Variants in PCSK5 observed in about 807,000 individuals in gnomAD.
PCSK5 encodes the protein prohormone convertase 5.
PCSK5 carries 129 observed loss-of-function variants against 233.2 expected under a neutral mutation model. That is an observed-to-expected ratio of 0.55 (90% CI 0.48 to 0.64). The LOEUF is 0.64. PCSK5 is among the 30% of genes least tolerant of loss of function. The pLI, the probability that PCSK5 is intolerant of heterozygous loss-of-function variation, is 0.00. For synonymous variants in PCSK5, 825 were observed against 879.2 expected (o/e 0.94, Z 1.09); for missense variants, 2,076 against 2,430.1 (o/e 0.85, Z 3.06).
chr9:76,064,214 C>A (rs868306981), intron 5 of PCSK5, among the ~76,000 whole-genome samples: 2 of 101,916 alleles, frequency 2.0e-5, no homozygotes, highest in Non-Finnish European at 3.8e-5. Flanking sequence ...CCGGACGGGG[C>A]GGCTGGCCGG....
intron 7 of PCSK5, 92 bp downstream of exon 7, chr9:76,071,990 A>G: frequency 7.9e-7 from 1 of 1,265,136 alleles, no homozygotes; most frequent in Non-Finnish European, 1.1e-6. Context: ...AGTCTAGAGA[A>G]CTGGATGGAG....
chr9:76,174,924 G>A (rs1457869046), intron 13 of PCSK5, 62 bp from the exon 14 acceptor site: 2 of 1,465,276 alleles, frequency 1.4e-6, no homozygotes, highest in East Asian at 2.3e-5. Context: ...AGGACTTAAA[G>A]ATGTTACAGA....
At chr9:76,106,231 A>G (rs1831973224) in intron 8 of PCSK5, among the ~76,000 whole-genome samples, 1 of 152,178 alleles carries the variant, frequency 6.6e-6, no homozygotes, top group African/African-American at 2.4e-5. Flanking sequence ...CAATAACTTC[A>G]ATGAGACCAC....
chr9:76,042,653 G>C (rs1046667392), intron 5 of PCSK5, among the ~76,000 whole-genome samples: 6 of 149,842 alleles, frequency 4.0e-5, no homozygotes, highest in African/African-American at 9.7e-5. Flanking sequence ...AAGACTCTTT[G>C]TTAAAAAACC....
At chr9:75,985,306 C>T (rs1826461144) in intron 2 of PCSK5, among the ~76,000 whole-genome samples, 1 of 152,162 alleles carries the variant, frequency 6.6e-6, no homozygotes. Flanking sequence ...TTTCTGGTTA[C>T]CTTGTTTAAA....
intron 20 of PCSK5, among the ~76,000 whole-genome samples, chr9:76,190,242 T>C (rs931220944): frequency 6.6e-6 from 1 of 152,162 alleles, no homozygotes; most frequent in Non-Finnish European, 1.5e-5. Context: ...TATAACAACA[T>C]GTATGCAACA....
rs761745341 is a variant in PCSK5, at chr9:76,071,865, C to T, written c.861C>T (p.Leu287=). 27 of 1,614,066 alleles carry T rather than the reference C, an allele frequency of 1.7e-5. No homozygotes were observed. The highest frequency in any genetic ancestry group is 2.3e-5 in the Non-Finnish European group (27 of 1,180,040). ...DGKTVDGPAP[L]TRQAFENGVR... ...AGACTGTGGACGGACCAGCCCCCCT[C>T]ACCCGGCAAGCCTTTGAAAACGGCG... The change falls in exon 7 of 38, where the codon CTC becomes CTT. Residue 287 remains leucine (L), a synonymous_variant. Transcript: ENST00000674117.
intron 2 of PCSK5, among the ~76,000 whole-genome samples, chr9:75,950,007 C>G (rs923018793): frequency 6.6e-6 from 1 of 152,108 alleles, no homozygotes; most frequent in Non-Finnish European, 1.5e-5. Flanking sequence ...TAAAGTCTCT[C>G]CACACCATAG....
At chr9:76,276,457 A>T (rs1341839020) in intron 24 of PCSK5, among the ~76,000 whole-genome samples, 1 of 152,040 alleles carries the variant, frequency 6.6e-6, no homozygotes, top group Non-Finnish European at 1.5e-5. Flanking sequence ...GGCCTATAAG[A>T]TCCTATATGA....
chr9:76,123,950 TC>T (rs35821099), intron 9 of PCSK5, among the ~76,000 whole-genome samples: 139,444 of 152,078 alleles, frequency 0.92, 64,129 homozygotes, highest in African/African-American at 0.98. Flanking sequence ...TTTTAGGATT[TC>T]TTTTTTCATT....
chr9:75,930,413 A>G (rs1286554124), intron 1 of PCSK5, among the ~76,000 whole-genome samples: 1 of 152,178 alleles, frequency 6.6e-6, no homozygotes, highest in East Asian at 1.9e-4. Context: ...TCGGAGGAGG[A>G]GAATGGTCTA....
intron 35 of PCSK5, 129 bp from the exon 36 acceptor site, chr9:76,350,699 G>A (rs753096789): frequency 5.4e-5 from 34 of 624,590 alleles, no homozygotes; most frequent in Non-Finnish European, 9.3e-5. Flanking sequence ...TTTCTTTTTC[G>A]TATCCTCAAT....
At chr9:75,987,235 C>T (rs1587462383) in intron 3 of PCSK5, among the ~76,000 whole-genome samples, 1 of 152,196 alleles carries the variant, frequency 6.6e-6, no homozygotes, top group Admixed American at 6.5e-5. Flanking sequence ...GGTCAGGATC[C>T]CCTGTCCTCA....
intron 9 of PCSK5, among the ~76,000 whole-genome samples, chr9:76,109,294 A>G (rs1195817166): frequency 1.3e-5 from 2 of 152,190 alleles, no homozygotes; most frequent in Non-Finnish European, 2.9e-5. Flanking sequence ...ATATTAAAAG[A>G]AAAAACATTA....
In PCSK5 at chr9:76,189,213, T is replaced by A; in HGVS notation, c.2500T>A (p.Ser834Thr). Residue 834 changes from serine (S) to threonine (T), a missense_variant, in exon 19 of 38, where the codon TCC becomes ACC. By Grantham distance (58) the Ser-to-Thr change is moderately conservative. Coordinates refer to ENST00000674117, the MANE Select transcript of PCSK5 (RefSeq NM_001372043.1). ...FDHSSENGYK[S>T]CKKCDISCLT... ...CCACTCTTCAGAGAATGGATACAAA[T>A]CCTGCAAAAAGTAAGTGGATCTGCC... 1 of 1,612,662 alleles carries A rather than the reference T, an allele frequency of 6.2e-7. No homozygotes were observed. The highest frequency in any genetic ancestry group is 8.5e-7 in the Non-Finnish European group (1 of 1,179,734).
intron 9 of PCSK5, among the ~76,000 whole-genome samples, chr9:76,122,714 T>G (rs1832689270): frequency 6.6e-6 from 1 of 152,184 alleles, no homozygotes; most frequent in Non-Finnish European, 1.5e-5. Context: ...TCAATATTAT[T>G]AAATTTTAAC....
chr9:76,335,958 G>A (rs1181617711), intron 34 of PCSK5, among the ~76,000 whole-genome samples: 1 of 152,146 alleles, frequency 6.6e-6, no homozygotes, highest in Non-Finnish European at 1.5e-5. Flanking sequence ...ACATGGCAGA[G>A]CCAGGATTAA....
At chr9:76,175,872 CTT>C (rs1005538930) in intron 14 of PCSK5, among the ~76,000 whole-genome samples, 8 of 152,194 alleles carry the variant, frequency 5.3e-5, no homozygotes, top group African/African-American at 1.9e-4. Context: ...ATACAACTGT[CTT>C]ATCCATTTTT....
At chr9:76,009,994 AC>A (rs1827662419) in intron 3 of PCSK5, among the ~76,000 whole-genome samples, 1 of 151,158 alleles carries the variant, frequency 6.6e-6, no homozygotes, top group African/African-American at 2.5e-5. Flanking sequence ...AAAGAGGTAT[AC>A]CAGTGACCCA....
Sources: gnomAD v4.1 joint callset for allele counts (sites outside exome capture counted in the v4.1 genomes callset) on GRCh38, gnomAD v4.1.1 for gene constraint, MANE v1.5 for transcripts, NCBI Gene and HGNC (gene_info 2026-07-23, HGNC 2026-07-21) for gene names.